Variants in POLN observed in about 807,000 individuals in gnomAD.
POLN encodes the protein DNA polymerase N.
A neutral mutation model predicts 113.5 loss-of-function variants in POLN; 108 were observed. The observed-to-expected ratio is 0.95, with a 90% CI of 0.81 to 1.12. The LOEUF (loss-of-function observed/expected upper bound fraction) is 1.12, where lower values mean the gene tolerates loss of function less well. Among genes scored for constraint, POLN ranks in the 50% most tolerant of loss-of-function variants. The probability of loss-of-function intolerance (pLI) is 0.00; values close to 1 mark genes in which losing one functional copy is unlikely to be tolerated. For missense variants in POLN, 1,097 were observed against 1,077.1 expected (o/e 1.02, Z -0.26); for synonymous variants, 386 against 391.5 (o/e 0.99, Z 0.17).
rs752526459 is a variant in POLN at position 2,236,352 on chromosome 4, A to T, written c.-13+5168T>A. 6 of 1,613,050 alleles carry T rather than the reference A, an allele frequency of 3.7e-6. No homozygotes were observed. Among genetic ancestry groups the T allele is most frequent in the Non-Finnish European group, 2.5e-6 (3 of 1,179,074 alleles). Reference sequence around the variant, plus strand: ...AGCAGATACTGCCAACTGATCTTGTACTAAAGAAATATTCTGTTTCAATTT... The same window carrying T: ...AGCAGATACTGCCAACTGATCTTGTTCTAAAGAAATATTCTGTTTCAATTT... On this transcript the variant is annotated intron_variant, in intron 2 of 25. Coordinates refer to ENST00000511885, the MANE Select transcript of POLN (RefSeq NM_181808.4).
chr4:2,204,001 G>T (rs6811668), intron 5 of POLN, among the ~76,000 whole-genome samples: 44,423 of 150,384 alleles, frequency 0.3, 11,299 homozygotes, highest in African/African-American at 0.68. Context: ...CCCAGCTACT[G>T]GGGAGGCTGA....
At chr4:2,146,418 T>C (rs1328007421) in intron 16 of POLN, among the ~76,000 whole-genome samples, 4 of 152,204 alleles carry the variant, frequency 2.6e-5, no homozygotes, top group African/African-American at 7.2e-5. Flanking sequence ...TGAGGCAGAA[T>C]TGCTTGAACC....
At chr4:2,198,163 T>A (rs2108759257) in intron 6 of POLN, among the ~76,000 whole-genome samples, 1 of 152,320 alleles carries the variant, frequency 6.6e-6, no homozygotes, top group South Asian at 2.1e-4. Flanking sequence ...TAACTTTGTT[T>A]TCTAATGCTG....
chr4:2,133,414 C>CT (rs1731776336), intron 16 of POLN, among the ~76,000 whole-genome samples: 1 of 152,106 alleles, frequency 6.6e-6, no homozygotes, highest in South Asian at 2.1e-4. Flanking sequence ...TGGAATCAGC[C>CT]TAAGTGCCCA....
chr4:2,086,361 T>C (rs1308784735), intron 20 of POLN, among the ~76,000 whole-genome samples: 1 of 152,146 alleles, frequency 6.6e-6, no homozygotes, highest in South Asian at 2.1e-4. Context: ...GTGGCTGAGT[T>C]CCGCAAGCAT....
chr4:2,085,942 G>T (rs1183652374), intron 20 of POLN, among the ~76,000 whole-genome samples, 198 bp from the exon 21 acceptor site: 1 of 152,198 alleles, frequency 6.6e-6, no homozygotes, highest in African/African-American at 2.4e-5. Context: ...TTTATTCAGT[G>T]ATACTGACTC....
intron 3 of POLN, 85 bp from the exon 4 acceptor site, chr4:2,213,211 C>T (rs1734035077): frequency 5.4e-6 from 4 of 745,394 alleles, no homozygotes; most frequent in Non-Finnish European, 8.6e-6. Flanking sequence ...ACTGAAATAA[C>T]CTCTATAATC....
At chr4:2,176,956 C>T (rs1479185450) in intron 8 of POLN, among the ~76,000 whole-genome samples, 1 of 152,202 alleles carries the variant, frequency 6.6e-6, no homozygotes, top group East Asian at 1.9e-4. Flanking sequence ...ACCTCCAGCC[C>T]ACTCAGACCC....
Position 2,096,261 on chromosome 4 carries a change from TGCCTGG to T in POLN, c.1983-334_1983-329del, listed in dbSNP as rs1229356017. Among the ~76,000 whole-genome samples, 8 of 152,246 alleles carry T rather than the reference TGCCTGG, an allele frequency of 5.3e-5. No individual in the cohort carries two copies. The South Asian group carries it at 1.0e-3, about 20-fold the overall frequency. ...GGAAAGGCCGTTCCCCATATTGGGG[TGCCTGG>T]GCCTGGGCCACGTCTGTGTCTGCTG... On this transcript the variant is annotated intron_variant, in intron 19 of 25. Transcript: ENST00000511885.
At position 2,208,183 on chromosome 4, in the gene POLN, G is replaced by A. The variant is rs759079786; in HGVS notation, c.518C>T (p.Ala173Val). 2 of 1,611,844 alleles carry A rather than the reference G, an allele frequency of 1.2e-6. No homozygotes were observed. The highest frequency in any genetic ancestry group is 2.2e-5 in the East Asian group (1 of 44,868). ...GGCGTCATCAGTATCTTCTTCCAAT[G>A]CCATTTGTTTACTTGTTTTCTCTGA... Reference protein sequence around the residue: ...NLSEKTSKQMALEEDTDDAEG... With the variant: ...NLSEKTSKQMVLEEDTDDAEG... Residue 173 changes from alanine (A) to valine (V), a missense_variant, in exon 5 of 26, where the codon GCA becomes GTA. Ala to Val is a moderately conservative substitution (Grantham distance 64). Transcript: ENST00000511885.
rs188511859 is a variant in POLN, at chr4:2,204,961, T to C, written c.714+3026A>G. Among the ~76,000 whole-genome samples the C allele has an allele frequency of 6.4e-3, 970 of 152,290 alleles. 6 individuals are homozygous for C. The highest frequency in any genetic ancestry group is 0.017 in the Admixed American group (264 of 15,290). ...TATCTTAATGTAATAAAGCCATCTA[T>C]TATAAACCCACAGCCAACATAATAC... On this transcript the variant is annotated intron_variant, in intron 5 of 25. Transcript: ENST00000511885.
intron 7 of POLN, among the ~76,000 whole-genome samples, chr4:2,190,891 G>A (rs887037601): frequency 6.6e-6 from 1 of 152,184 alleles, no homozygotes; most frequent in Non-Finnish European, 1.5e-5. Flanking sequence ...GTGAGGATAT[G>A]GAGAAAGGGG....
chr4:2,111,224 T>C (rs895207711), intron 19 of POLN, among the ~76,000 whole-genome samples: 12 of 152,194 alleles, frequency 7.9e-5, no homozygotes, highest in African/African-American at 2.7e-4. Context: ...AAATTAGGTA[T>C]TGATGGGACG....
intron 3 of POLN, among the ~76,000 whole-genome samples, chr4:2,214,853 G>A (rs899088511): frequency 6.6e-6 from 1 of 151,028 alleles, no homozygotes; most frequent in Non-Finnish European, 1.5e-5. Context: ...GGATATGTGT[G>A]CTGTTTTATA....
intron 24 of POLN, among the ~76,000 whole-genome samples, chr4:2,074,225 T>G (rs1730223092): frequency 6.6e-6 from 1 of 152,120 alleles, no homozygotes. Flanking sequence ...TGTGGGGCCC[T>G]CGGGAGGGCA....
intron 19 of POLN, among the ~76,000 whole-genome samples, chr4:2,099,128 A>G (rs1307416683): frequency 6.6e-6 from 1 of 152,262 alleles, no homozygotes; most frequent in African/African-American, 2.4e-5. Context: ...ATGGGGGAGA[A>G]CACAGATCTC....
At chr4:2,078,327 T>C (rs887784020) in intron 23 of POLN, among the ~76,000 whole-genome samples, 2 of 152,210 alleles carry the variant, frequency 1.3e-5, no homozygotes, top group Non-Finnish European at 2.9e-5. Context: ...GAGCCCAACC[T>C]CTCTGGTCTT....
In POLN at chr4:2,127,261, C is replaced by A. The variant is rs963245766; in HGVS notation, c.1982+852G>T. ...ACAGTGACTCAGACACACGGACCTT[C>A]CAACAGCCAGCACACACTTCCCCCT... On this transcript the variant is annotated intron_variant, in intron 19 of 25. Coordinates refer to ENST00000511885, the MANE Select transcript of POLN (RefSeq NM_181808.4). This position sits in a 1 kb window ranked among gnomAD's most constrained non-coding sequence, Gnocchi z 4.7. Among the ~76,000 whole-genome samples, 1 of 152,022 alleles carries A rather than the reference C, an allele frequency of 6.6e-6. No individual in the cohort carries two copies. The highest frequency in any genetic ancestry group is 2.4e-5 in the African/African-American group (1 of 41,342).
intron 25 of POLN, 120 bp downstream of exon 25, chr4:2,072,848 G>C: frequency 9.7e-7 from 1 of 1,028,316 alleles, no homozygotes. Context: ...TGTGCCTGCT[G>C]TGGAGTGGCC....
Sources: allele counts gnomAD v4.1 joint callset (sites outside exome capture counted in the v4.1 genomes callset), GRCh38; gene constraint gnomAD v4.1.1; non-coding constraint Gnocchi (gnomAD v3.1); transcripts MANE v1.5; gene names NCBI Gene and HGNC (gene_info 2026-07-23, HGNC 2026-07-21).